CAPN7: variants seen among roughly 807,000 people sequenced by gnomAD.
CAPN7 encodes the protein calpain-7.
CAPN7 carries 72 observed loss-of-function variants against 115.2 expected under a neutral mutation model. That is an observed-to-expected ratio of 0.63 (90% CI 0.52 to 0.76). CAPN7 has a LOEUF of 0.76. CAPN7 is among the 30% of genes least tolerant of loss of function. The pLI is 0.00. For missense variants in CAPN7, 905 were observed against 971.5 expected, an observed-to-expected ratio of 0.93 and a Z score of 0.91; for synonymous variants, 344 against 322.3, an observed-to-expected ratio of 1.07 and a Z score of -0.72.
At chr3:15,217,317 A>T in intron 2 of CAPN7, 108 bp from the exon 3 acceptor site, 1 of 961,130 alleles carries the variant, frequency 1.0e-6, no homozygotes, top group South Asian at 2.4e-5. Context: ...AGTTTTTTAA[A>T]TGAAGAATAC....
Position 15,234,255 on chromosome 3 carries a change from G to C in CAPN7, c.1286+282G>C, listed in dbSNP as rs60226581. ...CGCTTGAACGCAGGAGGCAGAGGTTGTGGTGAGCCGAGATTGCACCATTGC... is the reference window on the plus strand; with the variant it reads ...CGCTTGAACGCAGGAGGCAGAGGTTCTGGTGAGCCGAGATTGCACCATTGC... On this transcript the variant is annotated intron_variant, in intron 11 of 20. Coordinates refer to ENST00000253693, the MANE Select transcript of CAPN7 (RefSeq NM_014296.3). Among the ~76,000 whole-genome samples the C allele has an allele frequency of 4.1e-3, 622 of 152,318 alleles. 8 individuals are homozygous for C. The highest frequency in any genetic ancestry group is 0.014 in the African/African-American group (576 of 41,570).
chr3:15,212,263 C>T (rs1273423026), intron 2 of CAPN7, 51 bp downstream of exon 2: 3 of 962,912 alleles, frequency 3.1e-6, no homozygotes, highest in South Asian at 1.6e-5. Flanking sequence ...TTTCTCCCAT[C>T]ATGTCTTTCC....
chr3:15,228,772 G>A (rs1273503260), intron 7 of CAPN7, among the ~76,000 whole-genome samples: 1 of 152,130 alleles, frequency 6.6e-6, no homozygotes, highest in Non-Finnish European at 1.5e-5. Flanking sequence ...TAATAGCTGG[G>A]TGTTGAAATA....
At chr3:15,220,384 C>A (rs753020667) in intron 4 of CAPN7, among the ~76,000 whole-genome samples, 24 of 152,154 alleles carry the variant, frequency 1.6e-4, no homozygotes, top group Non-Finnish European at 3.4e-4. Flanking sequence ...CTTGGCAATT[C>A]ATTAAGTGAA....
At chr3:15,247,147 A>AAT in intron 18 of CAPN7, 180 bp from the exon 19 acceptor site, 2 of 583,144 alleles carry the variant, frequency 3.4e-6, no homozygotes, top group Non-Finnish European at 6.0e-6. Flanking sequence ...AAGAGATGGA[A>AAT]ATAGGGGTTA....
rs762671199 is a variant in CAPN7, at chr3:15,230,551, C to A, written c.1032+16C>A. On this transcript the variant is annotated intron_variant, in intron 9 of 20. Transcript: ENST00000253693. ...CCCAAGAAAGGTGAATAATGTCTCT[C>A]CCCACTCCCATCCCTTGTCTCTCTC... 2 of 1,440,030 alleles carry A rather than the reference C, an allele frequency of 1.4e-6. No individual in the cohort carries two copies. The highest frequency in any genetic ancestry group is 2.0e-6 in the Non-Finnish European group (2 of 1,023,190). The allele number at this position is 1,440,030 out of a possible 1,614,324, so 89.2% of individuals were successfully genotyped here.
chr3:15,234,412 G>A (rs1466270524), intron 11 of CAPN7, among the ~76,000 whole-genome samples: 1 of 151,948 alleles, frequency 6.6e-6, no homozygotes, highest in Non-Finnish European at 1.5e-5. Flanking sequence ...TAAGGAAATT[G>A]TTTTTAAAAT....
chr3:15,232,884 C>T (rs1212053842), intron 10 of CAPN7, among the ~76,000 whole-genome samples: 1 of 152,130 alleles, frequency 6.6e-6, no homozygotes, highest in African/African-American at 2.4e-5. Flanking sequence ...GGATACAAGG[C>T]CAATTATAAA....
rs1475041210 is a variant in CAPN7, at chr3:15,252,312, AGTTT to A, written c.*1053_*1056del. On this transcript the variant is annotated 3_prime_UTR_variant, in exon 21 of 21. Coordinates refer to ENST00000253693, the MANE Select transcript of CAPN7 (RefSeq NM_014296.3). ...ATGTTTATACTTACGGATATTGCAT[AGTTT>A]AAGTTAGATTTATTGAAAGATTTCA... The A allele has an allele frequency of 6.6e-6, 1 of 152,630 alleles. No homozygotes were observed. The highest frequency in any genetic ancestry group is 2.4e-5 in the African/African-American group (1 of 41,452). 9.5% of individuals were successfully genotyped at this position (152,630 alleles called of 1,614,324 possible). A position where few individuals can be genotyped will look rare whatever the true frequency, so the allele number is the denominator to read the frequency against.
intron 5 of CAPN7, among the ~76,000 whole-genome samples, chr3:15,222,393 A>G (rs982574127): frequency 6.6e-6 from 1 of 152,198 alleles, no homozygotes; most frequent in Non-Finnish European, 1.5e-5. Context: ...TTTAAAGTTG[A>G]GCACTGCAGA....
chr3:15,226,825 C>G (rs576826675), intron 6 of CAPN7, among the ~76,000 whole-genome samples: 2 of 152,016 alleles, frequency 1.3e-5, no homozygotes, highest in South Asian at 4.2e-4. Flanking sequence ...ACAAAATCCT[C>G]TCTTCTCCCA....
At chr3:15,226,015 G>A (rs756021585) in intron 6 of CAPN7, among the ~76,000 whole-genome samples, 9 of 152,062 alleles carry the variant, frequency 5.9e-5, no homozygotes, top group East Asian at 1.9e-4. Flanking sequence ...CTATTCGGTC[G>A]TGTATTACTT....
Position 15,215,219 on chromosome 3 carries a change from G to GT in CAPN7, c.212-2203dup, listed in dbSNP as rs144120411. On this transcript the variant is annotated intron_variant, in intron 2 of 20. Transcript: ENST00000253693. ...GCAGAAGGGTCACTTGAGCCCAGTA[G>GT]TTTAAGAGTTTAAGGCCAGCCTGGG... Among the ~76,000 whole-genome samples the GT allele has an allele frequency of 9.2e-3, 1,401 of 152,234 alleles. 51 individuals carry two copies. The highest frequency in any genetic ancestry group is 0.064 in the Admixed American group (972 of 15,278).
chr3:15,238,862 T>A (rs899690879), intron 12 of CAPN7, among the ~76,000 whole-genome samples: 1 of 149,944 alleles, frequency 6.7e-6, no homozygotes, highest in African/African-American at 2.5e-5. Flanking sequence ...TTTTTTTTTT[T>A]TTTTTTTTTT....
intron 12 of CAPN7, among the ~76,000 whole-genome samples, chr3:15,235,677 T>A (rs1245535795): frequency 6.6e-6 from 1 of 152,122 alleles, no homozygotes; most frequent in Non-Finnish European, 1.5e-5. Flanking sequence ...GGGTTCACAC[T>A]CCTATGAGAA....
rs1213325840 is a variant in CAPN7, at chr3:15,206,488, A to G, written c.-8A>G. The G allele has an allele frequency of 6.5e-7, 1 of 1,541,488 alleles. No individual in the cohort carries two copies. Among genetic ancestry groups the G allele is most frequent in the East Asian group, 2.5e-5 (1 of 39,972 alleles). ...TCCTTCCCTGCCCCGGCGCGGGGCCACTGCGCCATGGACGCCACAGCACTG... is the reference window on the plus strand; with the variant it reads ...TCCTTCCCTGCCCCGGCGCGGGGCCGCTGCGCCATGGACGCCACAGCACTG... On this transcript the variant is annotated 5_prime_UTR_variant, in exon 1 of 21. Coordinates refer to ENST00000253693, the MANE Select transcript of CAPN7 (RefSeq NM_014296.3).
At chr3:15,216,290 C>G (rs1386182357) in intron 2 of CAPN7, among the ~76,000 whole-genome samples, 1 of 152,184 alleles carries the variant, frequency 6.6e-6, no homozygotes, top group Non-Finnish European at 1.5e-5. Context: ...TCCTTCACAT[C>G]CTAACACTTG....
At chr3:15,226,506 A>G (rs1309097803) in intron 6 of CAPN7, among the ~76,000 whole-genome samples, 1 of 152,220 alleles carries the variant, frequency 6.6e-6, no homozygotes. Flanking sequence ...ACAGGTTAAT[A>G]ATAGATTACG....
Position 15,241,589 on chromosome 3 carries a change from G to T in CAPN7, c.1788+1G>T. The T allele has an allele frequency of 1.2e-6, 2 of 1,612,568 alleles. No homozygotes were observed. Among genetic ancestry groups the T allele is most frequent in the Non-Finnish European group, 1.7e-6 (2 of 1,179,362 alleles). The stretch of plus-strand genomic sequence containing the variant: ...GCTTAGTAGACACATAACAGACAAG[G>T]TACTGATACCCTTCTAATGATATCC... On this transcript the variant is annotated splice_donor_variant, in intron 15 of 20. Transcript: ENST00000253693. LOFTEE classifies it high-confidence loss of function.
Sources: allele counts gnomAD v4.1 joint callset (sites outside exome capture counted in the v4.1 genomes callset), GRCh38; gene constraint gnomAD v4.1.1; transcripts MANE v1.5; gene names NCBI Gene and HGNC (gene_info 2026-07-23, HGNC 2026-07-21).